Variants in SPATA6 observed in about 807,000 individuals in gnomAD.
SPATA6 encodes the protein spermatogenesis-associated protein 6.
Under a neutral mutation model 65.3 loss-of-function variants are expected in SPATA6, and 56 were observed. That is an observed-to-expected ratio of 0.86 (90% CI 0.69 to 1.07). The LOEUF (loss-of-function observed/expected upper bound fraction) is 1.07, where lower values mean the gene tolerates loss of function less well. Among genes scored for constraint, SPATA6 ranks in the 50% least tolerant of loss-of-function variants. SPATA6 has a pLI of 0.00. For synonymous variants in SPATA6, 199 were observed against 213.2 expected, an observed-to-expected ratio of 0.93 and a Z score of 0.58; for missense variants, 590 against 594.8, an observed-to-expected ratio of 0.99 and a Z score of 0.08.
intron 3 of SPATA6, among the ~76,000 whole-genome samples, chr1:48,443,464 CCA>C (rs1655711620): frequency 6.6e-6 from 1 of 152,158 alleles, no homozygotes; most frequent in Admixed American, 6.5e-5. Flanking sequence ...TATCCTCCTA[CCA>C]CACACTCTCA....
At chr1:48,407,535 G>A (rs1046956127) in intron 5 of SPATA6, among the ~76,000 whole-genome samples, 3 of 152,214 alleles carry the variant, frequency 2.0e-5, no homozygotes, top group African/African-American at 7.2e-5. Context: ...TAGCAAAGCT[G>A]TTGATTTTTG....
chr1:48,438,907 T>A (rs1289686948), intron 3 of SPATA6, among the ~76,000 whole-genome samples: 1 of 152,202 alleles, frequency 6.6e-6, no homozygotes, highest in Admixed American at 6.5e-5. Context: ...TCTGGAATTT[T>A]AGGATCCTTC....
At chr1:48,311,539 A>G (rs991491752) in intron 11 of SPATA6, among the ~76,000 whole-genome samples, 8 of 152,162 alleles carry the variant, frequency 5.3e-5, no homozygotes, top group African/African-American at 1.9e-4. Context: ...CCTATAATAA[A>G]GAAAGAGAGT....
At position 48,413,226 on chromosome 1, in the gene SPATA6, G is replaced by A. The variant is rs569046540; in HGVS notation, c.239-75C>T. 1,171 of 711,198 alleles carry A rather than the reference G, an allele frequency of 1.6e-3. 1 individual carries two copies. The highest frequency in any genetic ancestry group is 2.3e-3 in the Non-Finnish European group (1,105 of 481,366). The allele number at this position is 711,198 out of a possible 1,614,324, so 44.1% of individuals were successfully genotyped here. ...AAATTACTTAATTTACCATGGGAGT[G>A]TCTAAAAGCCAAAGTAATCACTAGG... On this transcript the variant is annotated intron_variant, in intron 3 of 12. Transcript: ENST00000371847.
chr1:48,466,468 ATACAC>A (rs1471621257), intron 1 of SPATA6, among the ~76,000 whole-genome samples: 1 of 152,134 alleles, frequency 6.6e-6, no homozygotes, highest in Non-Finnish European at 1.5e-5. Flanking sequence ...TGAACAAACA[ATACAC>A]TACAACTTCA....
rs571110956 is a variant in SPATA6, at chr1:48,304,591, A to T, written c.1286+1196T>A. Among the ~76,000 whole-genome samples, 3 of 152,266 alleles carry T rather than the reference A, an allele frequency of 2.0e-5. No homozygotes were observed. The South Asian group carries it at 6.2e-4, about 32-fold the overall frequency. ...ACTCTTGGCCTCAAGTGATCCTCCG[A>T]TGGGGGCCTCCCAAAGCACTGGGAT... On this transcript the variant is annotated intron_variant, in intron 12 of 12. Transcript: ENST00000371847.
intron 9 of SPATA6, among the ~76,000 whole-genome samples, chr1:48,379,099 T>A (rs1160758623): frequency 6.6e-6 from 1 of 152,182 alleles, no homozygotes; most frequent in East Asian, 1.9e-4. Context: ...GAAAAGAGGT[T>A]TAATTGACTC....
chr1:48,314,444 G>A (rs962211736), intron 11 of SPATA6, among the ~76,000 whole-genome samples: 1 of 152,076 alleles, frequency 6.6e-6, no homozygotes, highest in African/African-American at 2.4e-5. Context: ...AATGACTACT[G>A]GGTACATAAT....
the SPATA6 span, among the ~76,000 whole-genome samples, chr1:48,289,523 T>C: frequency 1.3e-5 from 2 of 152,162 alleles, no homozygotes; most frequent in Non-Finnish European, 2.9e-5. Flanking sequence ...AGAGAAGGCT[T>C]CAGAGGATCA....
chr1:48,299,516 G>GGAAAA (rs761355984), intron 12 of SPATA6, among the ~76,000 whole-genome samples: 2 of 38,200 alleles, frequency 5.2e-5, no homozygotes, highest in African/African-American at 1.7e-4. Context: ...CTCCGTCTCG[G>GGAAAA]AAAAAAAAAA....
At chr1:48,263,711 CT>C in the SPATA6 span, among the ~76,000 whole-genome samples, 2 of 152,188 alleles carry the variant, frequency 1.3e-5, no homozygotes, top group Non-Finnish European at 2.9e-5. Flanking sequence ...TCATTGACTC[CT>C]CAGCAAATAT....
intron 10 of SPATA6, among the ~76,000 whole-genome samples, chr1:48,356,510 C>CTTTTTTTT (rs910154922): frequency 2.2e-4 from 27 of 122,732 alleles, no homozygotes; most frequent in African/African-American, 7.9e-4. Flanking sequence ...TTTGTCCTTT[C>CTTTTTTTT]TTTTTTTTTT....
chr1:48,338,867 G>A (rs1646131095), intron 11 of SPATA6, among the ~76,000 whole-genome samples: 2 of 152,038 alleles, frequency 1.3e-5, no homozygotes, highest in South Asian at 2.1e-4. Flanking sequence ...ACATTTGAGA[G>A]TTGAAAGCCT....
rs190035538 is a variant in SPATA6 at position 48,432,130 on chromosome 1, T to C, written c.239-18979A>G. Among the ~76,000 whole-genome samples, 12 of 151,642 alleles carry C rather than the reference T, an allele frequency of 7.9e-5. No homozygotes were observed. In the East Asian group the frequency reaches 2.3e-3, roughly 29 times the overall value. ...GTCTCAAAAATAAATAAATAAATAA[T>C]AAAAAAGACCTCAAATCAACAAACT... is the stretch of plus-strand genomic sequence containing the variant. On this transcript the variant is annotated intron_variant, in intron 3 of 12. Transcript: ENST00000371847.
At chr1:48,319,975 C>T (rs1570100869) in intron 11 of SPATA6, among the ~76,000 whole-genome samples, 1 of 152,158 alleles carries the variant, frequency 6.6e-6, no homozygotes, top group East Asian at 1.9e-4. Flanking sequence ...AAAAGGCACC[C>T]CTGCCTTAGT....
intron 11 of SPATA6, among the ~76,000 whole-genome samples, chr1:48,333,557 T>A (rs889032919): frequency 6.6e-6 from 1 of 152,158 alleles, no homozygotes; most frequent in Non-Finnish European, 1.5e-5. Flanking sequence ...TAGAGAACCC[T>A]GACTAATACA....
At chr1:48,310,027 T>C (rs1465443956) in intron 11 of SPATA6, among the ~76,000 whole-genome samples, 5 of 152,208 alleles carry the variant, frequency 3.3e-5, no homozygotes, top group African/African-American at 7.2e-5. Flanking sequence ...CCTACAAATA[T>C]GAGTGGTATT....
At chr1:48,340,323 C>T (rs370622374) in intron 11 of SPATA6, among the ~76,000 whole-genome samples, 12 of 135,686 alleles carry the variant, frequency 8.8e-5, no homozygotes, top group African/African-American at 3.3e-4. Context: ...GAAACAGAAT[C>T]CAAAAACAAA....
intron 11 of SPATA6, among the ~76,000 whole-genome samples, chr1:48,314,905 C>G (rs1006409874): frequency 1.3e-5 from 2 of 152,148 alleles, no homozygotes; most frequent in Non-Finnish European, 2.9e-5. Context: ...TCAGAGAATA[C>G]TATAAACACC....
Sources: allele counts gnomAD v4.1 joint callset (sites outside exome capture counted in the v4.1 genomes callset), GRCh38; gene constraint gnomAD v4.1.1; transcripts MANE v1.5; gene names NCBI Gene and HGNC (gene_info 2026-07-23, HGNC 2026-07-21).